The following USP16 variants were observed in gnomAD, a reference collection of about 807,000 sequenced individuals.
The protein encoded by USP16 is ubiquitin specific peptidase 16, also known as ubiquitin carboxyl-terminal hydrolase 16.
A neutral mutation model predicts 95.9 loss-of-function variants in USP16; 77 were observed. The observed-to-expected ratio is 0.80, with a 90% CI of 0.67 to 0.97. The LOEUF is 0.97. USP16 is among the 50% of genes least tolerant of loss of function. USP16 has a pLI of 0.00. For missense variants in USP16, 943 were observed against 959.9 expected, an observed-to-expected ratio of 0.98 and a Z score of 0.23; for synonymous variants, 303 against 318.2, an observed-to-expected ratio of 0.95 and a Z score of 0.51.
rs1406649316 is a variant in USP16 at position 29,043,514 on chromosome 21, A to G, written c.1271A>G (p.Tyr424Cys). 2.5e-6 allele frequency: 4 copies of G among 1,601,656 alleles called. No individual in the cohort carries two copies. Among genetic ancestry groups the G allele is most frequent in the Non-Finnish European group, 3.4e-6 (4 of 1,175,380 alleles). The change falls in exon 13 of 18, where the codon TAC (tyrosine) becomes TGC (cysteine). Residue 424 changes from tyrosine (Y) to cysteine (C), a missense_variant. By Grantham distance (194) the Tyr-to-Cys change is radical (BLOSUM62 -2). Coordinates refer to ENST00000399976, the MANE Select transcript of USP16 (RefSeq NM_006447.3). ...GAGGAAGAAAAAGATAACGACAGTT[A>G]CATAAAAGAGAGAAGTGATATTCCT... ...DSEEEKDNDS[Y>C]IKERSDIPSG... is the part of the protein sequence containing the mutation.
chr21:29,030,751 T>A lies in USP16; in HGVS notation c.218T>A (p.Leu73Gln), dbSNP rs1249009351. 3 of 1,610,690 alleles carry A rather than the reference T, an allele frequency of 1.9e-6. No individual in the cohort carries two copies. Among genetic ancestry groups the A allele is most frequent in the Non-Finnish European group, 2.5e-6 (3 of 1,179,074 alleles). ...ACAGAAGAAAAGCCTTCAGTTTGGC[T>A]GTGTCTTAAATGTGGCCATCAGGTA... Reference protein sequence around the residue: ...EETEEKPSVWLCLKCGHQGCG... With the variant: ...EETEEKPSVWQCLKCGHQGCG... The change falls in exon 3 of 18, where the codon CTG (leucine) becomes CAG (glutamine). Residue 73 changes from leucine to glutamine, a missense_variant. Physicochemically the swap from Leu to Gln is moderately radical, Grantham distance 113. Coordinates refer to ENST00000399976, the MANE Select transcript of USP16 (RefSeq NM_006447.3).
intron 7 of USP16, 148 bp downstream of exon 7, chr21:29,038,578 G>T: frequency 1.5e-6 from 1 of 650,470 alleles, no homozygotes; most frequent in East Asian, 2.7e-5. Context: ...CAGGCTAATA[G>T]AAGTTATAAG....
chr21:29,054,161 C>T lies in USP16; in HGVS notation c.2446C>T (p.Leu816Phe). The T allele has an allele frequency of 6.2e-7, 1 of 1,614,082 alleles. No homozygotes were observed. The highest frequency in any genetic ancestry group is 8.5e-7 in the Non-Finnish European group (1 of 1,179,930). ...TAAAGTACTAAACTCACAAGCGTAC[C>T]TCCTATTTTATGAGAGAATACTGTA... ...TTKVLNSQAY[L>F]LFYERIL The change falls in exon 18 of 18, where the codon CTC (leucine) becomes TTC (phenylalanine). Residue 816 changes from leucine to phenylalanine, a missense_variant. Leu to Phe is a conservative substitution (Grantham distance 22). Coordinates refer to ENST00000399976, the MANE Select transcript of USP16 (RefSeq NM_006447.3).
intron 7 of USP16, 116 bp downstream of exon 7, chr21:29,038,546 AG>A: frequency 1.2e-6 from 1 of 835,128 alleles, no homozygotes; most frequent in South Asian, 1.7e-5. Context: ...GTTTTACTTT[AG>A]GCTACTAACT....
intron 10 of USP16, 58 bp from the exon 11 acceptor site, chr21:29,041,955 T>G: frequency 6.9e-7 from 1 of 1,448,164 alleles, no homozygotes; most frequent in Non-Finnish European, 9.5e-7. Context: ...TTAGCTTTTC[T>G]TGTTTAATTA....
Position 29,047,111 on chromosome 21 carries a change from C to G in USP16, c.1801C>G (p.Pro601Ala). The change falls in exon 14 of 18, where the codon CCT becomes GCT. Residue 601 changes from proline (P) to alanine (A), a missense_variant. By Grantham distance (27) the Pro-to-Ala change is conservative. Coordinates refer to ENST00000399976, the MANE Select transcript of USP16 (RefSeq NM_006447.3). ...AGAGATTCTGAATGATAGTCATACT[C>G]CTGGAACAAAGGTGTATGAGGTTGT... is the stretch of plus-strand genomic sequence containing the variant. ...NIEILNDSHTPGTKVYEVVNE... is the reference protein window; with the variant it reads ...NIEILNDSHTAGTKVYEVVNE... 6.2e-7 allele frequency: 1 copy of G among 1,614,034 alleles called. No individual in the cohort carries two copies. Among genetic ancestry groups the G allele is most frequent in the Non-Finnish European group, 8.5e-7 (1 of 1,180,010 alleles).
intron 1 of USP16, among the ~76,000 whole-genome samples, chr21:29,025,067 C>G (rs1048582844): frequency 6.6e-6 from 1 of 152,176 alleles, no homozygotes; most frequent in African/African-American, 2.4e-5. Flanking sequence ...TGGCAGGCGC[C>G]GAGCAAATGG....
At position 29,030,784 on chromosome 21, in the gene USP16, G is replaced by A. The variant is rs530652608; in HGVS notation, c.240+11G>A. The A allele has an allele frequency of 5.7e-5, 91 of 1,589,216 alleles. No individual in the cohort carries two copies. The South Asian group carries it at 7.7e-4, about 14-fold the overall frequency. On this transcript the variant is annotated intron_variant, in intron 3 of 17. Coordinates refer to ENST00000399976, the MANE Select transcript of USP16 (RefSeq NM_006447.3). ...AAATGTGGCCATCAGGTATGCTTAC[G>A]TTTTAAGATCAATATGGGATTTTAG...
intron 2 of USP16, 148 bp downstream of exon 2, chr21:29,028,122 AC>A: frequency 3.5e-6 from 2 of 564,750 alleles, no homozygotes; most frequent in Non-Finnish European, 5.8e-6. Context: ...ATAGTCTTCT[AC>A]TTTTTTTTTT....
intron 1 of USP16, among the ~76,000 whole-genome samples, chr21:29,027,463 A>G (rs1224241500): frequency 6.6e-6 from 1 of 152,228 alleles, no homozygotes; most frequent in Non-Finnish European, 1.5e-5. Flanking sequence ...ATTTGCATAG[A>G]CTGCAGAGCT....
Position 29,034,903 on chromosome 21 carries a change from C to T in USP16, c.307C>T (p.His103Tyr). ...KHYLTPRSEP[H>Y]CLVLSLDNWS... Reference sequence around the variant, plus strand: ...CTATCTGACGCCAAGATCTGAACCTCACTGTCTGGTTCTTAGTTTGGACAA... The same window carrying T: ...CTATCTGACGCCAAGATCTGAACCTTACTGTCTGGTTCTTAGTTTGGACAA... The change falls in exon 4 of 18, where the codon CAC becomes TAC. Residue 103 changes from histidine (H) to tyrosine (Y), a missense_variant. Coordinates refer to ENST00000399976, the MANE Select transcript of USP16 (RefSeq NM_006447.3). 2 of 1,614,148 alleles carry T rather than the reference C, an allele frequency of 1.2e-6. No homozygotes were observed. Among genetic ancestry groups the T allele is most frequent in the East Asian group, 2.2e-5 (1 of 44,880 alleles).
In USP16 at chr21:29,024,792, C is replaced by T. The variant is rs544081872; in HGVS notation, c.-42+15C>T. The T allele has an allele frequency of 5.5e-6, 7 of 1,273,542 alleles. No individual in the cohort carries two copies. The East Asian group carries it at 3.4e-4, about 62-fold the overall frequency. The allele number at this position is 1,273,542 out of a possible 1,614,324, so 78.9% of individuals were successfully genotyped here. Reference sequence around the variant, plus strand: ...TGTCGCCGTGGGTGAGTTCTGGTCCCACTGCCTGGCAGTCGTCGCTCGCCT... The same window carrying T: ...TGTCGCCGTGGGTGAGTTCTGGTCCTACTGCCTGGCAGTCGTCGCTCGCCT... On this transcript the variant is annotated intron_variant, in intron 1 of 17. Transcript: ENST00000399976.
chr21:29,034,389 T>C (rs1387256571), intron 3 of USP16, among the ~76,000 whole-genome samples: 1 of 151,812 alleles, frequency 6.6e-6, no homozygotes, highest in Admixed American at 6.6e-5. Flanking sequence ...CTTGGCTCAC[T>C]GCAACCTCCG....
chr21:29,046,718 A>AT lies in USP16; in HGVS notation c.1411dup (p.Cys471LeufsTer4), dbSNP rs1568896525. ...AGGAAAAGTTCTTCATTTAAATGATATTTGTACTATTGACCATCCTGAAGA... is the reference window on the plus strand; with the variant it reads ...AGGAAAAGTTCTTCATTTAAATGATATTTTGTACTATTGACCATCCTGAAGA... On this transcript the variant is annotated frameshift_variant, in exon 14 of 18. Coordinates refer to ENST00000399976, the MANE Select transcript of USP16 (RefSeq NM_006447.3). LOFTEE classifies it high-confidence loss of function. 6.2e-7 allele frequency: 1 copy of AT among 1,613,488 alleles called. No individual in the cohort carries two copies. The highest frequency in any genetic ancestry group is 8.5e-7 in the Non-Finnish European group (1 of 1,179,900).
At chr21:29,027,745 A>AT (rs2085014054) in intron 1 of USP16, 128 bp from the exon 2 acceptor site, 2 of 688,444 alleles carry the variant, frequency 2.9e-6, no homozygotes, top group African/African-American at 1.8e-5. Context: ...ATTATATGTG[A>AT]TTGGTCTTTG....
At chr21:29,040,544 A>G (rs1408768228) in intron 9 of USP16, 65 bp from the exon 10 acceptor site, 2 of 626,512 alleles carry the variant, frequency 3.2e-6, no homozygotes, top group African/African-American at 1.9e-5. Context: ...ACTTGATTAC[A>G]TATTTCTAAG....
At chr21:29,043,933 G>GC (rs2085282941) in intron 13 of USP16, among the ~76,000 whole-genome samples, 1 of 148,686 alleles carries the variant, frequency 6.7e-6, no homozygotes, top group South Asian at 2.1e-4. Context: ...TCCCACCACT[G>GC]TTTTTTTTTT....
At position 29,053,959 on chromosome 21, in the gene USP16, G is replaced by C; in HGVS notation, c.2350+1G>C. On this transcript the variant is annotated splice_donor_variant, in intron 17 of 17. Transcript: ENST00000399976. LOFTEE classifies it high-confidence loss of function. ...GTTCTTCACGGTGATATTCCACAAGGTAAGATGTCTTGGAAAATTCAGGCA... is the reference window on the plus strand; with the variant it reads ...GTTCTTCACGGTGATATTCCACAAGCTAAGATGTCTTGGAAAATTCAGGCA... The C allele has an allele frequency of 6.2e-7, 1 of 1,614,052 alleles. No homozygotes were observed. Among genetic ancestry groups the C allele is most frequent in the Admixed American group, 1.7e-5 (1 of 60,024 alleles).
intron 8 of USP16, 87 bp downstream of exon 8, chr21:29,039,243 T>C (rs2085208026): frequency 8.3e-7 from 1 of 1,210,120 alleles, no homozygotes. Context: ...TATAAAAATA[T>C]TAATAGCATT....
Sources: gnomAD v4.1 joint callset for allele counts (sites outside exome capture counted in the v4.1 genomes callset) on GRCh38, gnomAD v4.1.1 for gene constraint, MANE v1.5 for transcripts, NCBI Gene and HGNC (gene_info 2026-07-23, HGNC 2026-07-21) for gene names.